Variants in GALNT10 observed in about 807,000 individuals in gnomAD.
The protein encoded by GALNT10 is polypeptide N-acetylgalactosaminyltransferase 10.
In GALNT10, 41 loss-of-function variants were observed where a neutral mutation model predicts 75.0. That is an observed-to-expected ratio of 0.55 (90% confidence interval 0.43 to 0.71). The LOEUF (loss-of-function observed/expected upper bound fraction) is 0.71. Ranked by LOEUF, GALNT10 falls within the 30% of genes least tolerant of loss-of-function variation. The pLI is 0.00. For missense variants in GALNT10, 727 were observed against 818.5 expected (o/e 0.89, Z 1.36); for synonymous variants, 302 against 313.0 (o/e 0.96, Z 0.37).
In GALNT10 at chr5:154,346,833, T is replaced by G. The variant is rs546208047; in HGVS notation, c.568+17095T>G. On this transcript the variant is annotated intron_variant, in intron 4 of 11. Coordinates refer to ENST00000297107, the MANE Select transcript of GALNT10 (RefSeq NM_198321.4). ...CAGACAGCAGACTTTGAGCTAGTAC[T>G]TAACCTCTCTGTGCCTGATTGAGTA... 9.9e-5 allele frequency among the ~76,000 whole-genome samples: 15 copies of G among 152,260 alleles called. No homozygotes were observed. The South Asian group carries it at 3.1e-3, about 32-fold the overall frequency.
chr5:154,358,591 G>C (rs543917961), intron 4 of GALNT10, among the ~76,000 whole-genome samples: 123 of 152,242 alleles, frequency 8.1e-4, no homozygotes, highest in Non-Finnish European at 1.6e-3. Flanking sequence ...CCCACACATA[G>C]AGCCTCTCTC....
intron 4 of GALNT10, among the ~76,000 whole-genome samples, chr5:154,364,003 G>C (rs1212893765): frequency 6.6e-6 from 1 of 152,192 alleles, no homozygotes; most frequent in Non-Finnish European, 1.5e-5. Context: ...ATCACTCTGA[G>C]TCCTGCCCTC....
intron 1 of GALNT10, among the ~76,000 whole-genome samples, chr5:154,218,681 A>G (rs1561632021): frequency 1.3e-5 from 2 of 151,878 alleles, no homozygotes; most frequent in African/African-American, 4.8e-5. Flanking sequence ...GGCAGCTTCC[A>G]TTTTCCTTTC....
At chr5:154,224,458 T>TAAC (rs1195731057) in intron 1 of GALNT10, among the ~76,000 whole-genome samples, 1 of 152,200 alleles carries the variant, frequency 6.6e-6, no homozygotes, top group Non-Finnish European at 1.5e-5. Flanking sequence ...CTCTCAGACG[T>TAAC]AACAAGGGAG....
intron 1 of GALNT10, among the ~76,000 whole-genome samples, chr5:154,222,575 C>T (rs1752998925): frequency 6.6e-6 from 1 of 152,120 alleles, no homozygotes; most frequent in Admixed American, 6.5e-5. Flanking sequence ...TGTTGCATTC[C>T]CACCATCAGT....
intron 1 of GALNT10, among the ~76,000 whole-genome samples, chr5:154,262,545 A>G (rs979402879): frequency 2.6e-5 from 4 of 152,120 alleles, no homozygotes; most frequent in African/African-American, 9.7e-5. Context: ...AGGTACTCAG[A>G]TTCCCTAGAG....
At chr5:154,356,397 G>A in intron 4 of GALNT10, 2 of 343,378 alleles carry the variant, frequency 5.8e-6, no homozygotes, top group Non-Finnish European at 1.2e-5. Flanking sequence ...GAAAGGCTCT[G>A]GGAGAGGGAT....
At chr5:154,349,573 A>C (rs1392035537) in intron 4 of GALNT10, 2 of 152,104 alleles carry the variant, frequency 1.3e-5, no homozygotes, top group Non-Finnish European at 2.9e-5. Context: ...GTGACCTCCT[A>C]GGAGCAGGGG....
chr5:154,409,755 G>T lies in GALNT10; in HGVS notation c.1379G>T (p.Trp460Leu), dbSNP rs1322850349. The T allele has an allele frequency of 1.2e-6, 2 of 1,610,076 alleles. No homozygotes were observed. Among genetic ancestry groups the T allele is most frequent in the East Asian group, 2.2e-5 (1 of 44,858 alleles). The stretch of plus-strand genomic sequence containing the variant: ...CCCGTGGAGCCCCCGGCTGCAGCTT[G>T]GGGGGAGGTGAGTCTGGAGGGCAGG... The part of the protein sequence containing the change: ...YPPVEPPAAA[W>L]GEIRNVGTGL... The change falls in exon 9 of 12, where the codon TGG (tryptophan) becomes TTG (leucine). Residue 460 changes from tryptophan (W) to leucine (L), a missense_variant. Coordinates refer to ENST00000297107, the MANE Select transcript of GALNT10 (RefSeq NM_198321.4). The surrounding 1 kb of genome is among the most constrained non-coding windows in gnomAD (Gnocchi z 4.5).
Position 154,416,990 on chromosome 5 carries a change from G to A in GALNT10, c.*18G>A, listed in dbSNP as rs543441325. ...GGAACTGAGCCCTCATGTCCCCTTG[G>A]CAGGCCCCCCAGGGTCTGGCACTCA... On this transcript the variant is annotated 3_prime_UTR_variant, in exon 12 of 12. Coordinates refer to ENST00000297107, the MANE Select transcript of GALNT10 (RefSeq NM_198321.4). The surrounding 1 kb of genome is among the most constrained non-coding windows in gnomAD (Gnocchi z 4.5). 1 of 1,612,336 alleles carries A rather than the reference G, an allele frequency of 6.2e-7. No individual in the cohort carries two copies. The highest frequency in any genetic ancestry group is 8.5e-7 in the Non-Finnish European group (1 of 1,178,536).
intron 3 of GALNT10, among the ~76,000 whole-genome samples, chr5:154,301,978 C>T (rs967477318): frequency 6.6e-6 from 1 of 152,192 alleles, no homozygotes. Flanking sequence ...CTCCTGACAC[C>T]CCCCTTTTTT....
chr5:154,219,111 G>A (rs1341790254), intron 1 of GALNT10, among the ~76,000 whole-genome samples: 3 of 152,182 alleles, frequency 2.0e-5, no homozygotes, highest in Admixed American at 6.5e-5. Flanking sequence ...ATCTGTAGTC[G>A]TAGTCCCCTG....
At chr5:154,263,377 A>G (rs1477538027) in intron 1 of GALNT10, among the ~76,000 whole-genome samples, 2 of 152,200 alleles carry the variant, frequency 1.3e-5, no homozygotes, top group African/African-American at 4.8e-5. Flanking sequence ...ACGTTATACT[A>G]CGTGAAAGAA....
chr5:154,276,231 C>T (rs923086471), intron 1 of GALNT10, among the ~76,000 whole-genome samples: 2 of 152,250 alleles, frequency 1.3e-5, no homozygotes, highest in East Asian at 3.9e-4. Flanking sequence ...CTTCCAGACT[C>T]ATTCAGGGTG....
intron 1 of GALNT10, among the ~76,000 whole-genome samples, chr5:154,214,981 T>C (rs1214073661): frequency 1.3e-5 from 2 of 152,202 alleles, no homozygotes. Flanking sequence ...AAAATACCCA[T>C]GGGAAACATG....
chr5:154,331,802 C>T (rs1278056310), intron 4 of GALNT10, among the ~76,000 whole-genome samples: 1 of 152,202 alleles, frequency 6.6e-6, no homozygotes, highest in African/African-American at 2.4e-5. Context: ...GTCTCAACCT[C>T]CGCCTAAAAT....
intron 1 of GALNT10, among the ~76,000 whole-genome samples, chr5:154,206,459 A>G (rs1775111892): frequency 6.6e-6 from 1 of 152,248 alleles, no homozygotes; most frequent in Non-Finnish European, 1.5e-5. Flanking sequence ...AGGGACGCAG[A>G]CAAGTTCACG....
At chr5:154,244,656 G>T (rs1266977140) in intron 1 of GALNT10, among the ~76,000 whole-genome samples, 1 of 152,168 alleles carries the variant, frequency 6.6e-6, no homozygotes, top group Non-Finnish European at 1.5e-5. Context: ...CAGCAAGGGT[G>T]GCAGATGTGA....
At chr5:154,403,581 G>A (rs1268146575) in intron 7 of GALNT10, among the ~76,000 whole-genome samples, 1 of 152,172 alleles carries the variant, frequency 6.6e-6, no homozygotes, top group East Asian at 1.9e-4. Flanking sequence ...GTAAATCTAC[G>A]GAACCTGTGT....
Sources: allele counts gnomAD v4.1 joint callset (sites outside exome capture counted in the v4.1 genomes callset), GRCh38; gene constraint gnomAD v4.1.1; non-coding constraint Gnocchi (gnomAD v3.1); transcripts MANE v1.5; gene names NCBI Gene and HGNC (gene_info 2026-07-23, HGNC 2026-07-21).